The following NKAIN3 variants were observed in gnomAD, a reference collection of about 807,000 sequenced individuals.
NKAIN3 encodes the protein sodium/potassium transporting ATPase interacting 3, also known as sodium/potassium-transporting ATPase subunit beta-1-interacting protein 3.
A neutral mutation model predicts 30.2 loss-of-function variants in NKAIN3; 25 were observed. The observed-to-expected ratio is 0.83, with a 90% CI of 0.60 to 1.16. The LOEUF is 1.16. NKAIN3 is among the 50% of genes most tolerant of loss of function. The pLI is 0.00. For synonymous variants in NKAIN3, 91 were observed against 89.6 expected, an observed-to-expected ratio of 1.02 and a Z score of -0.09; for missense variants, 225 against 254.1, an observed-to-expected ratio of 0.89 and a Z score of 0.78.
chr8:62,977,087 C>G lies in NKAIN3; in HGVS notation c.*11680C>G, dbSNP rs1823958962. Reference sequence around the variant, plus strand: ...TGATGGGCTTCCCTTTGTAGGTAACCCAACTTTTCTCTCTGGCTGCCCTTA... The same window carrying G: ...TGATGGGCTTCCCTTTGTAGGTAACGCAACTTTTCTCTCTGGCTGCCCTTA... On this transcript the variant is annotated 3_prime_UTR_variant, in exon 7 of 7. Transcript: ENST00000623646. Among the ~76,000 whole-genome samples, 1 of 152,136 alleles carries G rather than the reference C, an allele frequency of 6.6e-6. No homozygotes were observed. The highest frequency in any genetic ancestry group is 1.9e-4 in the East Asian group (1 of 5,190).
At chr8:62,857,175 C>T (rs1327701115) in intron 4 of NKAIN3, 3 of 313,056 alleles carry the variant, frequency 9.6e-6, no homozygotes, top group Non-Finnish European at 1.8e-5. Flanking sequence ...GCCCCAATCT[C>T]TTCTGGCTGT....
Position 62,871,402 on chromosome 8 carries a change from C to CAA in NKAIN3, c.472-47036_472-47035dup, listed in dbSNP as rs35286231. Among the ~76,000 whole-genome samples the CAA allele has an allele frequency of 7.1e-3, 243 of 34,146 alleles. 1 individual carries two copies. The highest frequency in any genetic ancestry group is 0.022 in the African/African-American group (167 of 7,606). The allele number at this position is 34,146 out of a possible 152,430, so 22.4% of individuals were successfully genotyped here. On this transcript the variant is annotated intron_variant, in intron 4 of 6. Transcript: ENST00000623646. Reference sequence around the variant, plus strand: ...TGGGTGACAGAGCGAGACTCTGTCTCAAAAAAAAAAAAAAAACAAAAACAA... The same window carrying CAA: ...TGGGTGACAGAGCGAGACTCTGTCTCAAAAAAAAAAAAAAAAAACAAAAACAA...
At chr8:62,948,487 C>T (rs973607235) in intron 5 of NKAIN3, among the ~76,000 whole-genome samples, 1 of 151,944 alleles carries the variant, frequency 6.6e-6, no homozygotes, top group Admixed American at 6.6e-5. Flanking sequence ...CGTGAGCCAC[C>T]GCACCTGGCC....
intron 1 of NKAIN3, among the ~76,000 whole-genome samples, chr8:62,377,149 A>G (rs1241102701): frequency 6.6e-6 from 1 of 152,126 alleles, no homozygotes; most frequent in Non-Finnish European, 1.5e-5. Context: ...TTTAATTAGA[A>G]CTGGGTTTTC....
intron 6 of NKAIN3, among the ~76,000 whole-genome samples, chr8:62,957,391 C>T (rs1490907944): frequency 2.0e-5 from 3 of 152,188 alleles, no homozygotes; most frequent in Non-Finnish European, 4.4e-5. Context: ...CCTTCGGCCT[C>T]CCAAAGTGTT....
chr8:62,699,419 A>T (rs1371269145), intron 3 of NKAIN3, among the ~76,000 whole-genome samples: 1 of 152,212 alleles, frequency 6.6e-6, no homozygotes, highest in Non-Finnish European at 1.5e-5. Flanking sequence ...TCAAAATGGA[A>T]TCAGTGCTAA....
chr8:62,625,198 C>T (rs902210284), intron 3 of NKAIN3, among the ~76,000 whole-genome samples: 16 of 152,090 alleles, frequency 1.1e-4, no homozygotes, highest in African/African-American at 3.9e-4. Context: ...GTAAAAGGAA[C>T]AGTGGCCTTT....
chr8:62,870,584 A>G (rs1395210665), intron 4 of NKAIN3, among the ~76,000 whole-genome samples: 1 of 139,678 alleles, frequency 7.2e-6, no homozygotes, highest in African/African-American at 2.7e-5. Context: ...CATATATAGT[A>G]CATATATATA....
At chr8:62,998,789 A>C (rs543088659) in intron 5 of NKAIN3, among the ~76,000 whole-genome samples, 1 of 152,242 alleles carries the variant, frequency 6.6e-6, no homozygotes, top group South Asian at 2.1e-4. Flanking sequence ...TGTTTTAAAA[A>C]CTACCACTGC....
intron 1 of NKAIN3, among the ~76,000 whole-genome samples, chr8:62,556,221 T>C (rs966011651): frequency 1.3e-5 from 2 of 152,028 alleles, no homozygotes; most frequent in Admixed American, 6.6e-5. Flanking sequence ...TGGGGAATTA[T>C]GGTGTTCTAA....
intron 1 of NKAIN3, among the ~76,000 whole-genome samples, chr8:62,567,453 T>C (rs1182954924): frequency 6.6e-6 from 1 of 152,218 alleles, no homozygotes; most frequent in Admixed American, 6.6e-5. Flanking sequence ...GTTGAAATTT[T>C]ACTTTACATG....
chr8:62,952,199 T>C lies in NKAIN3; in HGVS notation c.533-1703T>C, dbSNP rs187620537. ...TTAAGTAGTAAATATTAAAGATAAA[T>C]ATATTTATTTTGTGGAAATAATACA... On this transcript the variant is annotated intron_variant, in intron 5 of 6. Transcript: ENST00000623646. Among the ~76,000 whole-genome samples, 234 of 152,224 alleles carry C rather than the reference T, an allele frequency of 1.5e-3. 1 individual carries two copies. Among genetic ancestry groups the C allele is most frequent in the Middle Eastern group, 0.014 (4 of 294 alleles).
intron 1 of NKAIN3, among the ~76,000 whole-genome samples, chr8:62,465,594 C>T (rs1167704746): frequency 6.6e-6 from 1 of 152,228 alleles, no homozygotes; most frequent in Non-Finnish European, 1.5e-5. Context: ...CATCCAATGT[C>T]TCCTTCATTC....
intron 1 of NKAIN3, among the ~76,000 whole-genome samples, chr8:62,554,530 A>C (rs1289935641): frequency 1.3e-5 from 2 of 152,178 alleles, no homozygotes; most frequent in Non-Finnish European, 1.5e-5. Flanking sequence ...CTGAATATTC[A>C]CGAAAATAAG....
chr8:62,914,540 T>A (rs1178223995), intron 4 of NKAIN3, among the ~76,000 whole-genome samples: 1 of 152,144 alleles, frequency 6.6e-6, no homozygotes, highest in East Asian at 1.9e-4. Flanking sequence ...GCTTTTAGGA[T>A]ATATATTTGT....
chr8:62,588,067 T>C (rs898497502), intron 2 of NKAIN3, among the ~76,000 whole-genome samples: 4 of 151,956 alleles, frequency 2.6e-5, no homozygotes, highest in Non-Finnish European at 1.5e-5. Context: ...TTGCTTTATT[T>C]TATGTTCTTT....
intron 1 of NKAIN3, among the ~76,000 whole-genome samples, chr8:62,320,715 T>C (rs1278654814): frequency 1.3e-5 from 2 of 152,248 alleles, no homozygotes; most frequent in African/African-American, 4.8e-5. Context: ...GTTAGTCTGA[T>C]GGGCTTCCCT....
chr8:62,330,449 T>A (rs1019112933), intron 1 of NKAIN3, among the ~76,000 whole-genome samples: 1 of 151,944 alleles, frequency 6.6e-6, no homozygotes, highest in African/African-American at 2.4e-5. Context: ...GTTTGAGGCA[T>A]GTTAAGAGGT....
At chr8:62,805,574 G>T (rs1040304894) in intron 4 of NKAIN3, among the ~76,000 whole-genome samples, 6 of 152,158 alleles carry the variant, frequency 3.9e-5, no homozygotes, top group African/African-American at 1.4e-4. Context: ...TTTAATAAAT[G>T]GTGCTGGGAA....
Sources: gnomAD v4.1 joint callset for allele counts (sites outside exome capture counted in the v4.1 genomes callset) on GRCh38, gnomAD v4.1.1 for gene constraint, MANE v1.5 for transcripts, NCBI Gene and HGNC (gene_info 2026-07-23, HGNC 2026-07-21) for gene names.